The following IFFO2 variants were observed in gnomAD, a reference collection of about 807,000 sequenced individuals.
IFFO2 encodes intermediate filament family orphan 2.
Under a neutral mutation model 53.5 loss-of-function variants are expected in IFFO2, and 19 were observed. The ratio of observed to expected loss-of-function variants is 0.36; its 90% CI spans 0.25 to 0.52. IFFO2 has a LOEUF of 0.52. Among genes scored for constraint, IFFO2 ranks in the 20% least tolerant of loss-of-function variants. The pLI is 0.94. For missense variants in IFFO2, 570 were observed against 727.4 expected (o/e 0.78, Z 2.49); for synonymous variants, 303 against 313.6 (o/e 0.97, Z 0.36).
At chr1:18,954,197 ACT>A (rs1332826138) in intron 1 of IFFO2, among the ~76,000 whole-genome samples, 1 of 152,030 alleles carries the variant, frequency 6.6e-6, no homozygotes, top group African/African-American at 2.4e-5. Context: ...GAGCTTGAGG[ACT>A]CTCAGCATTT....
intron 1 of IFFO2, among the ~76,000 whole-genome samples, chr1:18,943,793 G>A (rs979082712): frequency 4.6e-5 from 7 of 152,168 alleles, no homozygotes; most frequent in East Asian, 1.9e-4. Context: ...CAAACCCCAC[G>A]GGCAACCTCA....
chr1:18,928,411 G>A lies in IFFO2; in HGVS notation c.666-7290C>T, dbSNP rs372266665. On this transcript the variant is annotated intron_variant, in intron 1 of 8. Transcript: ENST00000455833. This position sits in a 1 kb window ranked among gnomAD's most constrained non-coding sequence, Gnocchi z 4.9. ...AATTTAATGTGAACACTTAACCAGGGCAGCCGATTCCATTACAGGCGGGCA... is the reference window on the plus strand; with the variant it reads ...AATTTAATGTGAACACTTAACCAGGACAGCCGATTCCATTACAGGCGGGCA... 1.5e-4 allele frequency among the ~76,000 whole-genome samples: 23 copies of A among 152,342 alleles called. No homozygotes were observed. Among genetic ancestry groups the A allele is most frequent in the African/African-American group, 4.8e-4 (20 of 41,582 alleles).
Position 18,907,769 on chromosome 1 carries a change from G to A in IFFO2, c.*792C>T, listed in dbSNP as rs1364221522. The A allele has an allele frequency of 6.6e-6, 1 of 152,346 alleles. No individual in the cohort carries two copies. The highest frequency in any genetic ancestry group is 2.4e-5 in the African/African-American group (1 of 41,440). 9.4% of individuals were successfully genotyped at this position (152,346 alleles called of 1,614,324 possible). A position where few individuals can be genotyped will look rare whatever the true frequency, so the allele number is the denominator to read the frequency against. On this transcript the variant is annotated 3_prime_UTR_variant, in exon 9 of 9. Coordinates refer to ENST00000455833, the MANE Select transcript of IFFO2 (RefSeq NM_001136265.2). ...AACCCCGGCCTCTCTCCCAGCTCCA[G>A]GGGGAAGCCAGGAGCCCAGGAGAGG...
At position 18,947,761 on chromosome 1, in the gene IFFO2, C is replaced by G. The variant is rs1389903472; in HGVS notation, c.665+7907G>C. ...CATCTGCCTGCTACTGCCAGTGATT[C>G]ATTTGCTTCTCAAGAAATAATTTCT... is the stretch of plus-strand genomic sequence containing the variant. On this transcript the variant is annotated intron_variant, in intron 1 of 8. Coordinates refer to ENST00000455833, the MANE Select transcript of IFFO2 (RefSeq NM_001136265.2). This position sits in a 1 kb window ranked among gnomAD's most constrained non-coding sequence, Gnocchi z 5.0. 6.6e-6 allele frequency among the ~76,000 whole-genome samples: 1 copy of G among 152,248 alleles called. No individual in the cohort carries two copies. Among genetic ancestry groups the G allele is most frequent in the Non-Finnish European group, 1.5e-5 (1 of 68,046 alleles).
intron 1 of IFFO2, among the ~76,000 whole-genome samples, chr1:18,931,167 G>A (rs772774451): frequency 6.6e-6 from 1 of 152,104 alleles, no homozygotes; most frequent in Non-Finnish European, 1.5e-5. Context: ...GTGTGACCCT[G>A]TCTCAAAAAC....
rs1471161839 is a variant in IFFO2, at chr1:18,907,964, C to T, written c.*597G>A. On this transcript the variant is annotated 3_prime_UTR_variant, in exon 9 of 9. Coordinates refer to ENST00000455833, the MANE Select transcript of IFFO2 (RefSeq NM_001136265.2). ...AAAATGTGTCCTCCTTCCCTTCCTT[C>T]CACCTTTCTCTCCTTCAGGGAGTGA... 1 of 153,534 alleles carries T rather than the reference C, an allele frequency of 6.5e-6. No individual in the cohort carries two copies. The highest frequency in any genetic ancestry group is 1.5e-5 in the Non-Finnish European group (1 of 68,838). The allele number at this position is 153,534 out of a possible 1,614,324, so 9.5% of individuals were successfully genotyped here. A position where few individuals can be genotyped will look rare whatever the true frequency, so the allele number is the denominator to read the frequency against.
chr1:18,915,387 T>TTTG (rs56172741), intron 5 of IFFO2, among the ~76,000 whole-genome samples: 143,499 of 152,034 alleles, frequency 0.94, 67,745 homozygotes, highest in South Asian at 0.96. Context: ...GATTGGTAGC[T>TTTG]CTGATTTCCT....
intron 1 of IFFO2, among the ~76,000 whole-genome samples, chr1:18,924,055 G>A (rs1042960755): frequency 3.3e-5 from 5 of 152,230 alleles, no homozygotes; most frequent in African/African-American, 9.6e-5. Context: ...GGAGGTTGAG[G>A]ACAGACCCCG....
chr1:18,953,969 G>A (rs543794854), intron 1 of IFFO2, among the ~76,000 whole-genome samples: 3 of 152,232 alleles, frequency 2.0e-5, no homozygotes, highest in East Asian at 1.9e-4. Flanking sequence ...AGGAGGGCCC[G>A]GCCCATCCCT....
Position 18,919,581 on chromosome 1 carries a change from C to G in IFFO2, c.822+97G>C. Reference sequence around the variant, plus strand: ...CAAACACAGCCAGCCAGGATTCTAACTAGAAGCCGAGCCCCGGAGCCTCGG... The same window carrying G: ...CAAACACAGCCAGCCAGGATTCTAAGTAGAAGCCGAGCCCCGGAGCCTCGG... On this transcript the variant is annotated intron_variant, in intron 3 of 8. Transcript: ENST00000455833. The surrounding 1 kb of genome is among the most constrained non-coding windows in gnomAD (Gnocchi z 4.9). 1.2e-6 allele frequency: 1 copy of G among 811,896 alleles called. No homozygotes were observed. The highest frequency in any genetic ancestry group is 2.1e-6 in the Non-Finnish European group (1 of 481,252). 50.3% of individuals were successfully genotyped at this position (811,896 alleles called of 1,614,324 possible). A position where few individuals can be genotyped will look rare whatever the true frequency, so the allele number is the denominator to read the frequency against.
intron 1 of IFFO2, among the ~76,000 whole-genome samples, chr1:18,933,033 C>G (rs1003467384): frequency 2.0e-5 from 3 of 152,260 alleles, no homozygotes; most frequent in Non-Finnish European, 4.4e-5. Flanking sequence ...CTTCTTCCCC[C>G]AGGACAGAAT....
At chr1:18,954,552 C>T (rs555509127) in intron 1 of IFFO2, among the ~76,000 whole-genome samples, 2 of 152,352 alleles carry the variant, frequency 1.3e-5, no homozygotes, top group East Asian at 1.9e-4. Flanking sequence ...CCAATAGCTC[C>T]GAATGGAAGG....
intron 1 of IFFO2, among the ~76,000 whole-genome samples, chr1:18,926,830 G>A (rs1193758252): frequency 6.6e-6 from 1 of 152,102 alleles, no homozygotes; most frequent in Non-Finnish European, 1.5e-5. Context: ...CCAGCAGAGG[G>A]GCTGACTCAC....
intron 1 of IFFO2, among the ~76,000 whole-genome samples, chr1:18,930,132 C>T (rs1422046648): frequency 2.0e-5 from 3 of 152,190 alleles, no homozygotes; most frequent in Admixed American, 2.0e-4. Flanking sequence ...CCTCTCTGGG[C>T]CTTGGTAATA....
At chr1:18,914,659 A>C (rs1481033646) in intron 5 of IFFO2, among the ~76,000 whole-genome samples, 2 of 149,926 alleles carry the variant, frequency 1.3e-5, no homozygotes, top group African/African-American at 4.8e-5. Flanking sequence ...TCTACTAAAA[A>C]AATACAAAAA....
chr1:18,946,409 CTTT>C (rs71577809), intron 1 of IFFO2, among the ~76,000 whole-genome samples: 71 of 96,510 alleles, frequency 7.4e-4, no homozygotes, highest in African/African-American at 2.7e-3. Context: ...TTGCCACTTT[CTTT>C]TTTTTTTTTT....
chr1:18,925,516 G>A (rs935626692), intron 1 of IFFO2, among the ~76,000 whole-genome samples: 1 of 152,204 alleles, frequency 6.6e-6, no homozygotes, highest in African/African-American at 2.4e-5. Context: ...CGCCACCGGG[G>A]GCTGGCACTC....
chr1:18,950,587 G>C (rs1397604261), intron 1 of IFFO2, among the ~76,000 whole-genome samples: 1 of 152,228 alleles, frequency 6.6e-6, no homozygotes, highest in Non-Finnish European at 1.5e-5. Context: ...ACCATCGAAG[G>C]CTGCCTCACT....
chr1:18,932,439 A>AC (rs1158952956), intron 1 of IFFO2, among the ~76,000 whole-genome samples: 3 of 151,694 alleles, frequency 2.0e-5, no homozygotes, highest in Non-Finnish European at 2.9e-5. Flanking sequence ...CCCACCCCTG[A>AC]CCCCCCCAGA....
Sources: gnomAD v4.1 joint callset for allele counts (sites outside exome capture counted in the v4.1 genomes callset) on GRCh38, gnomAD v4.1.1 for gene constraint, Gnocchi (gnomAD v3.1) non-coding constraint, MANE v1.5 for transcripts, NCBI Gene and HGNC (gene_info 2026-07-23, HGNC 2026-07-21) for gene names.